The following FAM171B variants were observed in gnomAD, a reference collection of about 807,000 sequenced individuals.
FAM171B encodes the protein family with sequence similarity 171 member B.
A neutral mutation model predicts 75.6 loss-of-function variants in FAM171B; 19 were observed. That is an observed-to-expected ratio of 0.25 (90% confidence interval 0.18 to 0.37). The LOEUF is 0.37. Ranked by LOEUF, FAM171B falls within the 10% of genes least tolerant of loss-of-function variation. The probability of loss-of-function intolerance (pLI) is 1.00; values close to 1 mark genes in which losing one functional copy is unlikely to be tolerated. For missense variants in FAM171B, 848 were observed against 982.4 expected, an observed-to-expected ratio of 0.86 and a Z score of 1.83; for synonymous variants, 367 against 361.7, an observed-to-expected ratio of 1.01 and a Z score of -0.17.
intron 1 of FAM171B, among the ~76,000 whole-genome samples, chr2:186,723,588 TG>T (rs1488403351): frequency 9.2e-5 from 14 of 152,346 alleles, no homozygotes; most frequent in African/African-American, 3.1e-4. Flanking sequence ...TTCATATGTT[TG>T]TTTTTCTAAG....
At chr2:186,701,739 T>C (rs1559080332) in intron 1 of FAM171B, among the ~76,000 whole-genome samples, 1 of 152,188 alleles carries the variant, frequency 6.6e-6, no homozygotes, top group Non-Finnish European at 1.5e-5. Flanking sequence ...ACATATGCCA[T>C]TGTGTTGAAT....
chr2:186,751,680 A>G (rs1329463737), intron 5 of FAM171B, among the ~76,000 whole-genome samples: 1 of 152,208 alleles, frequency 6.6e-6, no homozygotes, highest in South Asian at 2.1e-4. Context: ...TCATGAAAAT[A>G]AGTAACATTA....
chr2:186,717,676 A>G (rs1485200875), intron 1 of FAM171B, among the ~76,000 whole-genome samples: 1 of 152,024 alleles, frequency 6.6e-6, no homozygotes, highest in South Asian at 2.1e-4. Flanking sequence ...TCTGCCTGGA[A>G]GTCTCTTCTC....
chr2:186,725,142 A>G (rs898693602), intron 1 of FAM171B, among the ~76,000 whole-genome samples: 2 of 152,052 alleles, frequency 1.3e-5, no homozygotes, highest in African/African-American at 4.8e-5. Flanking sequence ...CAGGAGATTG[A>G]GACCATCTTG....
chr2:186,733,494 G>A (rs1690149834), intron 1 of FAM171B, among the ~76,000 whole-genome samples: 1 of 152,186 alleles, frequency 6.6e-6, no homozygotes, highest in Admixed American at 6.5e-5. Context: ...CTTTGTGGCT[G>A]GTGGCTCCTT....
At chr2:186,712,313 T>C (rs370677767) in intron 1 of FAM171B, among the ~76,000 whole-genome samples, 4 of 152,196 alleles carry the variant, frequency 2.6e-5, no homozygotes, top group East Asian at 1.9e-4. Context: ...TTTTTCTTTG[T>C]GCCCATAGTA....
At chr2:186,758,658 A>G (rs541006261) in intron 6 of FAM171B, among the ~76,000 whole-genome samples, 1 of 152,220 alleles carries the variant, frequency 6.6e-6, no homozygotes, top group Non-Finnish European at 1.5e-5. Context: ...AATAGCATTC[A>G]CTTTTATCAT....
intron 1 of FAM171B, among the ~76,000 whole-genome samples, chr2:186,734,438 A>T (rs1690167065): frequency 1.3e-5 from 2 of 151,726 alleles, no homozygotes; most frequent in African/African-American, 4.8e-5. Context: ...GCAGCCCTCA[A>T]TGGAGAGAGG....
chr2:186,707,868 CT>C (rs1689754536), intron 1 of FAM171B, among the ~76,000 whole-genome samples: 1 of 148,982 alleles, frequency 6.7e-6, no homozygotes, highest in African/African-American at 2.5e-5. Context: ...TTTTCATTGA[CT>C]TTCCTGTCTG....
At chr2:186,751,806 C>T (rs925308683) in intron 5 of FAM171B, among the ~76,000 whole-genome samples, 3 of 152,084 alleles carry the variant, frequency 2.0e-5, no homozygotes, top group African/African-American at 7.2e-5. Context: ...ATATTTTCAT[C>T]CTCAGCTTCC....
intron 4 of FAM171B, among the ~76,000 whole-genome samples, chr2:186,747,689 G>A (rs538714613): frequency 6.6e-6 from 1 of 151,986 alleles, no homozygotes; most frequent in Non-Finnish European, 1.5e-5. Context: ...TTATAGATTG[G>A]AGTAAGCTAT....
chr2:186,704,419 T>TTCTAGAACCTATGTTCTCTTC (rs1249029034), intron 1 of FAM171B, among the ~76,000 whole-genome samples: 1 of 152,204 alleles, frequency 6.6e-6, no homozygotes, highest in African/African-American at 2.4e-5. Flanking sequence ...TCATAGGCTC[T>TTCTAGAACCTATGTTCTCTTC]TAGAACTAGA....
intron 1 of FAM171B, among the ~76,000 whole-genome samples, chr2:186,712,208 T>A (rs1689819027): frequency 6.6e-6 from 1 of 152,216 alleles, no homozygotes; most frequent in African/African-American, 2.4e-5. Context: ...TTACTTGACT[T>A]GTTATTATCT....
intron 6 of FAM171B, among the ~76,000 whole-genome samples, 169 bp downstream of exon 6, chr2:186,754,218 G>A (rs180887973): frequency 1.3e-3 from 200 of 152,124 alleles, no homozygotes; most frequent in Middle Eastern, 6.8e-3. Context: ...CAGATTAAGC[G>A]CCATGAACTC....
intron 1 of FAM171B, among the ~76,000 whole-genome samples, chr2:186,712,810 G>A (rs563192308): frequency 9.2e-5 from 14 of 152,008 alleles, no homozygotes; most frequent in East Asian, 7.7e-4. Context: ...TGTTCACTTC[G>A]CAGTACTAAT....
intron 2 of FAM171B, among the ~76,000 whole-genome samples, chr2:186,743,251 G>A (rs1013773694): frequency 1.3e-5 from 2 of 152,088 alleles, no homozygotes; most frequent in Non-Finnish European, 2.9e-5. Context: ...AAATAGAAAA[G>A]ATTAGTAAAA....
chr2:186,761,835 A>G lies in FAM171B; in HGVS notation c.1493A>G (p.Asn498Ser), dbSNP rs367857069. The G allele has an allele frequency of 1.2e-6, 2 of 1,613,142 alleles. No homozygotes were observed. Among genetic ancestry groups the G allele is most frequent in the East Asian group, 2.2e-5 (1 of 44,866 alleles). The change falls in exon 8 of 8, where the codon AAC (asparagine) becomes AGC (serine). Residue 498 changes from asparagine to serine, a missense_variant. Physicochemically the swap from Asn to Ser is conservative, Grantham distance 46 (BLOSUM62 1). This residue lies in a region of FAM171B where 665 missense variants were observed against 729.0 expected (regional missense o/e 0.91). Coordinates refer to ENST00000304698, the MANE Select transcript of FAM171B (RefSeq NM_177454.4). Reference sequence around the variant, plus strand: ...GGGTCCAAACAACCTAAACATATTAACAACAATCTATCTTCATCTCTAGGT... The same window carrying G: ...GGGTCCAAACAACCTAAACATATTAGCAACAATCTATCTTCATCTCTAGGT... ...NVGSKQPKHINNNLSSSLGDA... is the reference protein window; with the variant it reads ...NVGSKQPKHISNNLSSSLGDA...
chr2:186,695,683 C>T (rs1421813008), intron 1 of FAM171B, among the ~76,000 whole-genome samples: 1 of 152,064 alleles, frequency 6.6e-6, no homozygotes, highest in Non-Finnish European at 1.5e-5. Flanking sequence ...TTTCTGACAC[C>T]CTCTTAAACC....
chr2:186,719,441 A>C (rs1689919786), intron 1 of FAM171B, among the ~76,000 whole-genome samples: 1 of 152,232 alleles, frequency 6.6e-6, no homozygotes, highest in Non-Finnish European at 1.5e-5. Flanking sequence ...ATGGAATCCC[A>C]AAACAACAAA....
Sources: gnomAD v4.1 joint callset for allele counts (sites outside exome capture counted in the v4.1 genomes callset) on GRCh38, gnomAD v4.1.1 for gene constraint, gnomAD v4.1.1 regional missense constraint, MANE v1.5 for transcripts, NCBI Gene and HGNC (gene_info 2026-07-23, HGNC 2026-07-21) for gene names.